RALGAPA2: variants seen among roughly 807,000 people sequenced by gnomAD.
The protein encoded by RALGAPA2 is Ral GTPase activating protein catalytic subunit alpha 2.
In RALGAPA2, 139 loss-of-function variants were observed where a neutral mutation model predicts 230.4. That is an observed-to-expected ratio of 0.60 (90% CI 0.53 to 0.69). The LOEUF is 0.69. Among genes scored for constraint, RALGAPA2 ranks in the 30% least tolerant of loss-of-function variants. The probability of loss-of-function intolerance (pLI) is 0.00; values close to 1 mark genes in which losing one functional copy is unlikely to be tolerated. For missense variants in RALGAPA2, 2,163 were observed against 2,276.0 expected, an observed-to-expected ratio of 0.95 and a Z score of 1.01; for synonymous variants, 847 against 837.8, an observed-to-expected ratio of 1.01 and a Z score of -0.19.
chr20:20,649,530 C>T (rs2067324111), intron 4 of RALGAPA2, among the ~76,000 whole-genome samples: 1 of 152,118 alleles, frequency 6.6e-6, no homozygotes, highest in African/African-American at 2.4e-5. Context: ...AATAATGACT[C>T]ATAAAAAACA....
intron 26 of RALGAPA2, among the ~76,000 whole-genome samples, chr20:20,534,539 T>C (rs866133119): frequency 6.6e-6 from 1 of 151,726 alleles, no homozygotes; most frequent in Middle Eastern, 3.4e-3. Flanking sequence ...AAAAGTTTGG[T>C]TTATCAGTAC....
chr20:20,668,456 G>A (rs550507819), intron 3 of RALGAPA2, among the ~76,000 whole-genome samples: 61 of 152,306 alleles, frequency 4.0e-4, no homozygotes, highest in African/African-American at 1.4e-3. Context: ...TTAAGTCACG[G>A]TTGTTGGCTT....
intron 10 of RALGAPA2, among the ~76,000 whole-genome samples, chr20:20,622,588 T>G (rs141393715): frequency 1.3e-5 from 2 of 152,148 alleles, no homozygotes; most frequent in African/African-American, 4.8e-5. Context: ...AATTTAGAAT[T>G]TGACACCCAG....
chr20:20,552,475 C>CT (rs2063955209), intron 23 of RALGAPA2, among the ~76,000 whole-genome samples: 1 of 152,128 alleles, frequency 6.6e-6, no homozygotes, highest in Non-Finnish European at 1.5e-5. Flanking sequence ...AGATGCCTGT[C>CT]TTTTACCTAG....
intron 27 of RALGAPA2, among the ~76,000 whole-genome samples, chr20:20,528,384 G>A (rs1306533082): frequency 6.6e-6 from 1 of 152,182 alleles, no homozygotes; most frequent in Non-Finnish European, 1.5e-5. Context: ...TAGGACTGGT[G>A]ACTCTGATCA....
intron 20 of RALGAPA2, 68 bp from the exon 21 acceptor site, chr20:20,573,136 G>C (rs902082327): frequency 1.5e-6 from 2 of 1,302,382 alleles, no homozygotes; most frequent in South Asian, 2.0e-5. Context: ...TTTTCTTTAA[G>C]GCAAATTACC....
chr20:20,420,931 C>T (rs1013560780), intron 37 of RALGAPA2, among the ~76,000 whole-genome samples: 7 of 152,138 alleles, frequency 4.6e-5, no homozygotes, highest in African/African-American at 1.4e-4. Context: ...CACTACTGGC[C>T]GCTTTTGGTA....
At chr20:20,591,474 G>A (rs538791090) in intron 16 of RALGAPA2, among the ~76,000 whole-genome samples, 160 bp from the exon 17 acceptor site, 9 of 152,272 alleles carry the variant, frequency 5.9e-5, no homozygotes, top group East Asian at 1.9e-4. Flanking sequence ...TCCTACACTT[G>A]CTAACCCCTA....
In RALGAPA2 at chr20:20,712,306, A is replaced by G. The variant is rs568661512; in HGVS notation, c.106+69T>C. The G allele has an allele frequency of 3.7e-5, 45 of 1,220,364 alleles. No individual in the cohort carries two copies. In the African/African-American group the frequency reaches 6.2e-4, roughly 17 times the overall value. The allele number at this position is 1,220,364 out of a possible 1,614,324, so 75.6% of individuals were successfully genotyped here. A position where few individuals can be genotyped will look rare whatever the true frequency, so the allele number is the denominator to read the frequency against. On this transcript the variant is annotated intron_variant, in intron 1 of 39. Coordinates refer to ENST00000202677, the MANE Select transcript of RALGAPA2 (RefSeq NM_020343.4). This position sits in a 1 kb window ranked among gnomAD's most constrained non-coding sequence, Gnocchi z 5.5. ...GCCTCCCAGCCACCGACCCCTGCAC[A>G]GAGGAGCGCCCTCCCGGCAGGTGCC...
At chr20:20,569,898 G>C (rs554836157) in intron 23 of RALGAPA2, among the ~76,000 whole-genome samples, 21 of 152,126 alleles carry the variant, frequency 1.4e-4, no homozygotes, top group African/African-American at 3.6e-4. Context: ...TTAGCATAAG[G>C]CTTCTTTAAA....
At chr20:20,524,612 G>T in intron 29 of RALGAPA2, 69 bp from the exon 30 acceptor site, 1 of 1,578,120 alleles carries the variant, frequency 6.3e-7, no homozygotes, top group South Asian at 1.1e-5. Context: ...AATAATAAGA[G>T]AATTATCCCT....
intron 24 of RALGAPA2, among the ~76,000 whole-genome samples, chr20:20,544,412 TTGG>T (rs1235742891): frequency 1.3e-5 from 2 of 151,652 alleles, no homozygotes; most frequent in Admixed American, 1.3e-4. Flanking sequence ...TTTTACACTG[TTGG>T]TGGGAGTGTA....
chr20:20,555,316 A>G (rs2064051320), intron 23 of RALGAPA2, among the ~76,000 whole-genome samples: 1 of 152,200 alleles, frequency 6.6e-6, no homozygotes. Context: ...CACTGTTTGG[A>G]TTACTCTAGC....
chr20:20,702,563 T>C (rs1222125811), intron 1 of RALGAPA2, among the ~76,000 whole-genome samples: 1 of 152,212 alleles, frequency 6.6e-6, no homozygotes, highest in Admixed American at 6.5e-5. Context: ...GCAGCATTAA[T>C]ACTCCTGCAG....
At chr20:20,584,221 T>C (rs750870343) in intron 19 of RALGAPA2, among the ~76,000 whole-genome samples, 1 of 152,288 alleles carries the variant, frequency 6.6e-6, no homozygotes, top group Admixed American at 6.5e-5. Flanking sequence ...AGGATTCCAA[T>C]CTCATTCCAT....
At chr20:20,639,935 C>A in intron 6 of RALGAPA2, 35 bp from the exon 7 acceptor site, 1 of 1,471,902 alleles carries the variant, frequency 6.8e-7, no homozygotes, top group Non-Finnish European at 9.5e-7. Context: ...GCTCATTCAC[C>A]AAAGTTAAAT....
chr20:20,440,714 C>A (rs754965799), intron 37 of RALGAPA2, among the ~76,000 whole-genome samples: 65 of 152,362 alleles, frequency 4.3e-4, no homozygotes, highest in Non-Finnish European at 7.3e-4. Flanking sequence ...GAGAGCAGAG[C>A]ACCTGGTACT....
At chr20:20,511,940 C>T (rs2062715745) in intron 32 of RALGAPA2, among the ~76,000 whole-genome samples, 1 of 152,102 alleles carries the variant, frequency 6.6e-6, no homozygotes, top group Non-Finnish European at 1.5e-5. Flanking sequence ...CCTGTAATCC[C>T]AACACTTTGG....
chr20:20,487,619 T>C (rs988305222), intron 36 of RALGAPA2, among the ~76,000 whole-genome samples: 1 of 152,128 alleles, frequency 6.6e-6, no homozygotes, highest in Non-Finnish European at 1.5e-5. Flanking sequence ...GTGAAAATAG[T>C]TTCTCTTGGC....
Sources: gnomAD v4.1 joint callset for allele counts (sites outside exome capture counted in the v4.1 genomes callset) on GRCh38, gnomAD v4.1.1 for gene constraint, Gnocchi (gnomAD v3.1) non-coding constraint, MANE v1.5 for transcripts, NCBI Gene and HGNC (gene_info 2026-07-23, HGNC 2026-07-21) for gene names.